ROBO2: variants seen among roughly 807,000 people sequenced by gnomAD.
ROBO2 encodes roundabout homolog 2.
Under a neutral mutation model 160.8 loss-of-function variants are expected in ROBO2, and 53 were observed. The ratio of observed to expected loss-of-function variants is 0.33; its 90% CI spans 0.26 to 0.41. The LOEUF (loss-of-function observed/expected upper bound fraction) is 0.41. Among genes scored for constraint, ROBO2 ranks in the 10% least tolerant of loss-of-function variants. ROBO2 has a pLI of 1.00. For missense variants in ROBO2, 1,577 were observed against 1,722.4 expected (o/e 0.92, Z 1.49); for synonymous variants, 664 against 611.7 (o/e 1.09, Z -1.26).
chr3:76,798,892 A>AAACAACAACAACAAC (rs60526472), intron 2 of ROBO2, among the ~76,000 whole-genome samples: 1 of 150,020 alleles, frequency 6.7e-6, no homozygotes, highest in African/African-American at 2.5e-5. Flanking sequence ...GACCTTTTCT[A>AAACAACAACAACAAC]AACAACAACA....
intron 2 of ROBO2, among the ~76,000 whole-genome samples, chr3:76,752,851 G>A (rs1450791567): frequency 6.6e-6 from 1 of 151,576 alleles, no homozygotes; most frequent in Non-Finnish European, 1.5e-5. Flanking sequence ...GGACTTTTTT[G>A]TATTTTTGTT....
At chr3:77,600,837 G>T (rs865810258) in intron 19 of ROBO2, among the ~76,000 whole-genome samples, 1 of 152,200 alleles carries the variant, frequency 6.6e-6, no homozygotes, top group South Asian at 2.1e-4. Context: ...AGAAAGAAGG[G>T]CAAGAAAGTA....
At chr3:77,122,439 CG>C (rs1454166947) in intron 2 of ROBO2, among the ~76,000 whole-genome samples, 1 of 152,134 alleles carries the variant, frequency 6.6e-6, no homozygotes, top group Non-Finnish European at 1.5e-5. Context: ...AGTGTTGCCC[CG>C]GCAAAGAGCT....
chr3:77,487,185 A>G (rs1250969886), intron 4 of ROBO2, among the ~76,000 whole-genome samples: 3 of 152,130 alleles, frequency 2.0e-5, no homozygotes, highest in Non-Finnish European at 4.4e-5. Flanking sequence ...TTTTATTAGT[A>G]GCATGTGGTA....
intron 2 of ROBO2, among the ~76,000 whole-genome samples, chr3:76,992,734 T>C (rs2060759303): frequency 6.6e-6 from 1 of 152,036 alleles, no homozygotes; most frequent in Non-Finnish European, 1.5e-5. Flanking sequence ...TCACAAGAAA[T>C]GGTATAGCTT....
At chr3:77,461,465 C>T (rs2082234571) in intron 2 of ROBO2, among the ~76,000 whole-genome samples, 1 of 151,828 alleles carries the variant, frequency 6.6e-6, no homozygotes, top group Admixed American at 6.6e-5. Context: ...ATCAAGTATC[C>T]TGTATGAAAA....
At chr3:76,995,898 G>C (rs62249923) in intron 2 of ROBO2, among the ~76,000 whole-genome samples, 2 of 152,084 alleles carry the variant, frequency 1.3e-5, no homozygotes, top group African/African-American at 4.8e-5. Flanking sequence ...CCATTCTGTA[G>C]GTTGCCTGTT....
intron 2 of ROBO2, among the ~76,000 whole-genome samples, chr3:76,650,112 CAT>C (rs781216368): frequency 1.3e-5 from 2 of 151,914 alleles, no homozygotes; most frequent in South Asian, 2.1e-4. Flanking sequence ...GAGAAAGAAA[CAT>C]ATTCAAAAAG....
At chr3:76,141,157 CTCTATATATA>C (rs1261502134) in intron 2 of ROBO2, among the ~76,000 whole-genome samples, 9 of 17,950 alleles carry the variant, frequency 5.0e-4, no homozygotes, top group African/African-American at 9.6e-4. Flanking sequence ...CTCTCTCTCT[CTCTATATATA>C]TATATATATA....
Position 76,798,127 on chromosome 3 carries a change from A to AAG in ROBO2, c.110-299885_110-299884dup, listed in dbSNP as rs1167485459. 3.3e-3 allele frequency among the ~76,000 whole-genome samples: 397 copies of AAG among 121,760 alleles called. 7 individuals carry two copies. Among genetic ancestry groups the AAG allele is most frequent in the African/African-American group, 0.012 (379 of 30,772 alleles). The allele number at this position is 121,760 out of a possible 152,430, so 79.9% of individuals were successfully genotyped here. On this transcript the variant is annotated intron_variant, in intron 2 of 26. Transcript: ENST00000487694. ...AAAAAAAGAAAGAAGAGAAAGAAGA[A>AAG]AGAAAGAAGAAAGAGAAAGAAAGAA...
chr3:76,419,016 C>T (rs2075875140), intron 2 of ROBO2, among the ~76,000 whole-genome samples: 1 of 152,106 alleles, frequency 6.6e-6, no homozygotes, highest in South Asian at 2.1e-4. Context: ...CATGGTTTTA[C>T]AAACTCTTGT....
At chr3:77,211,752 T>A (rs193290657) in intron 2 of ROBO2, among the ~76,000 whole-genome samples, 23 of 152,368 alleles carry the variant, frequency 1.5e-4, no homozygotes, top group Non-Finnish European at 2.5e-4. Context: ...AATTTTTGTA[T>A]AAAGTGTAAG....
chr3:76,460,013 G>A (rs1280235812), intron 2 of ROBO2, among the ~76,000 whole-genome samples: 1 of 152,044 alleles, frequency 6.6e-6, no homozygotes, highest in African/African-American at 2.4e-5. Context: ...AAAGAAGAAA[G>A]CTTAGAAAAG....
chr3:76,466,308 T>C (rs2078359195), intron 2 of ROBO2, among the ~76,000 whole-genome samples: 2 of 151,946 alleles, frequency 1.3e-5, no homozygotes, highest in Admixed American at 1.3e-4. Context: ...TTCTATTGTT[T>C]TCTTTTATAC....
At chr3:76,706,809 G>A (rs1186091215) in intron 2 of ROBO2, among the ~76,000 whole-genome samples, 1 of 152,014 alleles carries the variant, frequency 6.6e-6, no homozygotes, top group Non-Finnish European at 1.5e-5. Flanking sequence ...TAAGTAACTT[G>A]TGACTCAAAA....
chr3:77,202,332 G>C (rs1244032511), intron 2 of ROBO2, among the ~76,000 whole-genome samples: 1 of 152,078 alleles, frequency 6.6e-6, no homozygotes, highest in Non-Finnish European at 1.5e-5. Flanking sequence ...ATTCTAATTT[G>C]CTTTATCTGA....
chr3:77,040,754 T>C, exon 1 of ROBO2: 1 of 1,614,066 alleles, frequency 6.2e-7, no homozygotes. Context: ...ATTGGTTTCT[T>C]AAAGAATCTG....
intron 2 of ROBO2, among the ~76,000 whole-genome samples, chr3:76,569,282 T>C (rs1322341433): frequency 6.6e-6 from 1 of 152,240 alleles, no homozygotes; most frequent in Non-Finnish European, 1.5e-5. Context: ...TACTAGATGT[T>C]ATAGAACATA....
intron 2 of ROBO2, among the ~76,000 whole-genome samples, chr3:75,963,629 G>C (rs112944034): frequency 0.012 from 1,889 of 151,934 alleles, 46 homozygotes; most frequent in African/African-American, 0.043. Flanking sequence ...AATTATGTTA[G>C]TTTTCTAAGG....
Sources: allele counts gnomAD v4.1 joint callset (sites outside exome capture counted in the v4.1 genomes callset), GRCh38; gene constraint gnomAD v4.1.1; transcripts MANE v1.5; gene names NCBI Gene and HGNC (gene_info 2026-07-23, HGNC 2026-07-21).